BMPR1B: variants seen among roughly 807,000 people sequenced by gnomAD.
BMPR1B encodes bone morphogenetic protein receptor type-1B.
BMPR1B carries 12 observed loss-of-function variants against 59.1 expected under a neutral mutation model. The ratio of observed to expected loss-of-function variants is 0.20; its 90% CI spans 0.13 to 0.33. The LOEUF (loss-of-function observed/expected upper bound fraction) is 0.33, where lower values mean the gene tolerates loss of function less well. BMPR1B is among the 10% of genes least tolerant of loss of function. The pLI is 1.00. For missense variants in BMPR1B, 550 were observed against 610.9 expected (o/e 0.90, Z 1.05); for synonymous variants, 237 against 207.3 (o/e 1.14, Z -1.23).
intron 1 of BMPR1B, among the ~76,000 whole-genome samples, chr4:94,808,156 T>G (rs564696810): frequency 6.6e-6 from 1 of 152,306 alleles, no homozygotes. Context: ...ATTTTAAATG[T>G]TTTTGCATTT....
intron 1 of BMPR1B, among the ~76,000 whole-genome samples, chr4:94,797,761 AT>A (rs1723251026): frequency 6.6e-6 from 1 of 152,170 alleles, no homozygotes; most frequent in African/African-American, 2.4e-5. Context: ...GAGCCCATGA[AT>A]TTGTATTTTT....
intron 2 of BMPR1B, among the ~76,000 whole-genome samples, chr4:94,981,007 A>G (rs376066035): frequency 0.051 from 360 of 7,058 alleles, 2 homozygotes; most frequent in East Asian, 0.2. Flanking sequence ...ACACACACAC[A>G]CACACACACA....
chr4:95,041,996 A>G (rs976067996), intron 3 of BMPR1B, among the ~76,000 whole-genome samples: 1 of 152,094 alleles, frequency 6.6e-6, no homozygotes, highest in Non-Finnish European at 1.5e-5. Flanking sequence ...AGCTGGGACC[A>G]TAGGCGCCAG....
At chr4:94,900,994 G>A (rs563142107) in intron 2 of BMPR1B, among the ~76,000 whole-genome samples, 7 of 152,026 alleles carry the variant, frequency 4.6e-5, no homozygotes, top group African/African-American at 1.4e-4. Context: ...GTAGACTAAG[G>A]TCTTGTAACA....
intron 2 of BMPR1B, among the ~76,000 whole-genome samples, chr4:94,944,683 T>C (rs1370118386): frequency 1.3e-5 from 2 of 152,302 alleles, no homozygotes; most frequent in Middle Eastern, 3.4e-3. Context: ...TAGTGGTAAG[T>C]GAAGCTTACT....
chr4:94,797,477 C>T (rs942134873), intron 1 of BMPR1B, among the ~76,000 whole-genome samples: 14 of 151,964 alleles, frequency 9.2e-5, no homozygotes, highest in African/African-American at 2.4e-4. Flanking sequence ...AATGTGATTG[C>T]GAAGGTGTTG....
At chr4:94,950,599 T>G (rs551143744) in intron 2 of BMPR1B, among the ~76,000 whole-genome samples, 2 of 152,256 alleles carry the variant, frequency 1.3e-5, no homozygotes, top group African/African-American at 4.8e-5. Context: ...CAGATGGTTG[T>G]AGATGTGTGG....
At chr4:94,977,374 G>C (rs1023802) in intron 2 of BMPR1B, among the ~76,000 whole-genome samples, 145,267 of 152,254 alleles carry the variant, frequency 0.95, 69,335 homozygotes, top group Middle Eastern at 0.99. Flanking sequence ...GACTATACCT[G>C]GTATTTTATT....
At chr4:95,000,596 A>C (rs1207700818) in intron 3 of BMPR1B, among the ~76,000 whole-genome samples, 25 of 152,130 alleles carry the variant, frequency 1.6e-4, no homozygotes, top group Non-Finnish European at 3.5e-4. Context: ...GATTTTATAG[A>C]TCTCAGTGGC....
intron 1 of BMPR1B, among the ~76,000 whole-genome samples, chr4:94,810,282 G>A (rs113468310): frequency 0.012 from 1,764 of 152,260 alleles, 32 homozygotes; most frequent in African/African-American, 0.04. Flanking sequence ...CCTGTCTTTG[G>A]TGAGTGCCAT....
chr4:94,909,683 T>C (rs1283434237), intron 2 of BMPR1B, among the ~76,000 whole-genome samples: 3 of 152,052 alleles, frequency 2.0e-5, no homozygotes, highest in African/African-American at 7.2e-5. Flanking sequence ...TGTTATTTAG[T>C]TGTTTCTCCC....
chr4:94,858,297 C>G (rs955832802), intron 1 of BMPR1B, among the ~76,000 whole-genome samples: 1 of 152,080 alleles, frequency 6.6e-6, no homozygotes, highest in African/African-American at 2.4e-5. Flanking sequence ...TTGTTTTATG[C>G]TTGTATGTAA....
chr4:94,889,184 G>A (rs1560533384), intron 2 of BMPR1B, among the ~76,000 whole-genome samples: 1 of 151,932 alleles, frequency 6.6e-6, no homozygotes, highest in Non-Finnish European at 1.5e-5. Context: ...TGTTTCAAAT[G>A]TGTTATCTAA....
rs768241828 is a variant in BMPR1B, at chr4:95,156,886, C to A, written c.*2213C>A. On this transcript the variant is annotated 3_prime_UTR_variant, in exon 13 of 13. Transcript: ENST00000515059. The stretch of plus-strand genomic sequence containing the variant: ...GAAACTTCAGTGCCTCTAAACAGAT[C>A]ATCTACAAAACAACAGGTAAACATT... 2 of 152,152 alleles carry A rather than the reference C, an allele frequency of 1.3e-5. No individual in the cohort carries two copies. The highest frequency in any genetic ancestry group is 2.4e-5 in the African/African-American group (1 of 41,434). 9.4% of individuals were successfully genotyped at this position (152,152 alleles called of 1,614,324 possible).
At chr4:95,143,848 G>A (rs1047029584) in intron 10 of BMPR1B, among the ~76,000 whole-genome samples, 8 of 152,212 alleles carry the variant, frequency 5.3e-5, no homozygotes, top group South Asian at 4.2e-4. Flanking sequence ...ATTATCAGCC[G>A]ATAGCTCCCA....
chr4:94,775,059 G>A (rs975767840), intron 1 of BMPR1B, among the ~76,000 whole-genome samples: 2 of 152,106 alleles, frequency 1.3e-5, no homozygotes, highest in Admixed American at 6.5e-5. Flanking sequence ...AGTGTAGAAG[G>A]TTCTATACTG....
intron 3 of BMPR1B, among the ~76,000 whole-genome samples, chr4:95,015,620 C>T (rs1009480973): frequency 3.3e-5 from 5 of 152,064 alleles, no homozygotes; most frequent in African/African-American, 1.2e-4. Context: ...CTCCTGACCT[C>T]AGGTGATCCT....
At chr4:94,760,669 C>G (rs546720222) in intron 1 of BMPR1B, among the ~76,000 whole-genome samples, 7 of 152,298 alleles carry the variant, frequency 4.6e-5, no homozygotes, top group African/African-American at 1.4e-4. Context: ...GTGTCCACCT[C>G]TGTGCTGTAT....
chr4:95,120,475 A>G (rs1034045880), intron 6 of BMPR1B, among the ~76,000 whole-genome samples: 14 of 152,232 alleles, frequency 9.2e-5, no homozygotes, highest in Admixed American at 2.0e-4. Context: ...AAGTTAAAGT[A>G]TCTTCACTGA....
Sources: allele counts gnomAD v4.1 joint callset (sites outside exome capture counted in the v4.1 genomes callset), GRCh38; gene constraint gnomAD v4.1.1; transcripts MANE v1.5; gene names NCBI Gene and HGNC (gene_info 2026-07-23, HGNC 2026-07-21).